The following CNIH3 variants were observed in gnomAD, a reference collection of about 807,000 sequenced individuals.
CNIH3 encodes the protein protein cornichon homolog 3.
CNIH3 carries 14 observed loss-of-function variants against 24.1 expected under a neutral mutation model. The observed-to-expected ratio is 0.58, with a 90% CI of 0.38 to 0.91. CNIH3 has a LOEUF of 0.91. Ranked by LOEUF, CNIH3 falls within the 40% of genes least tolerant of loss-of-function variation. The pLI is 0.00. For synonymous variants in CNIH3, 68 were observed against 73.8 expected (o/e 0.92, Z 0.40); for missense variants, 178 against 196.8 (o/e 0.90, Z 0.57).
In CNIH3 at chr1:224,450,638, T is replaced by C. The variant is rs183738986; in HGVS notation, n.203+15776T>C. ...GGGAGATAGAACCGAAGGGAGATCA[T>C]AGCTGGTTGTGGAGCCAAAGGTAAA... On this transcript the variant is annotated intron_variant and non_coding_transcript_variant, in intron 1 of 5. Coordinates refer to the CNIH3 transcript ENST00000471578. 3.6e-3 allele frequency among the ~76,000 whole-genome samples: 547 copies of C among 152,342 alleles called. 4 individuals carry two copies. The highest frequency in any genetic ancestry group is 0.012 in the African/African-American group (513 of 41,586).
intron 1 of CNIH3, among the ~76,000 whole-genome samples, chr1:224,665,667 A>C (rs1401951237): frequency 6.6e-6 from 1 of 152,226 alleles, no homozygotes; most frequent in Non-Finnish European, 1.5e-5. Context: ...TATATGTGGT[A>C]GGACTCACTT....
chr1:224,531,840 A>G (rs1171948445), intron 2 of CNIH3, among the ~76,000 whole-genome samples: 1 of 152,190 alleles, frequency 6.6e-6, no homozygotes, highest in East Asian at 1.9e-4. Flanking sequence ...TGGCACAAAT[A>G]AAACAAACGA....
chr1:224,696,542 A>G (rs547373917), intron 3 of CNIH3, among the ~76,000 whole-genome samples: 13 of 152,330 alleles, frequency 8.5e-5, no homozygotes, highest in African/African-American at 1.2e-4. Context: ...AAGGGCAGGA[A>G]TGTGAGGTGG....
intron 1 of CNIH3, among the ~76,000 whole-genome samples, chr1:224,646,695 C>T (rs1246833830): frequency 1.3e-5 from 2 of 152,092 alleles, no homozygotes; most frequent in African/African-American, 2.4e-5. Flanking sequence ...CATGAGCCAC[C>T]ATGTCCAGTC....
chr1:224,729,412 CA>C (rs1184318000), intron 3 of CNIH3, among the ~76,000 whole-genome samples: 792 of 44,614 alleles, frequency 0.018, 1 homozygote, highest in South Asian at 0.046. Flanking sequence ...ACTATGTCTC[CA>C]AAAAAAAAAA....
chr1:224,454,750 G>A (rs978335581), intron 1 of CNIH3, among the ~76,000 whole-genome samples: 6 of 152,164 alleles, frequency 3.9e-5, no homozygotes, highest in Admixed American at 6.5e-5. Context: ...TGAAGAGACC[G>A]GAGATTTTCA....
At chr1:224,699,491 G>A (rs568264060) in intron 3 of CNIH3, among the ~76,000 whole-genome samples, 6 of 152,190 alleles carry the variant, frequency 3.9e-5, no homozygotes, top group African/African-American at 7.2e-5. Flanking sequence ...TCAACGTGTC[G>A]GCAGGGTTGG....
chr1:224,500,381 A>G (rs1238540030), intron 1 of CNIH3, among the ~76,000 whole-genome samples: 1 of 152,088 alleles, frequency 6.6e-6, no homozygotes, highest in East Asian at 1.9e-4. Context: ...CTCTAAAGAA[A>G]GAATGACTTG....
downstream of CNIH3, chr1:224,537,153 C>G (rs1431286756): frequency 6.6e-6 from 1 of 152,194 alleles, no homozygotes; most frequent in South Asian, 2.1e-4. Context: ...TCACAATTTG[C>G]CCGCAAGGAA....
downstream of CNIH3, among the ~76,000 whole-genome samples, chr1:224,538,094 G>A (rs1204839353): frequency 1.3e-5 from 2 of 151,866 alleles, no homozygotes; most frequent in Admixed American, 6.6e-5. Context: ...GGCATTACAG[G>A]TGCCACCGTG....
intron 1 of CNIH3, among the ~76,000 whole-genome samples, chr1:224,451,678 G>A (rs1381691435): frequency 6.6e-6 from 1 of 152,132 alleles, no homozygotes; most frequent in Non-Finnish European, 1.5e-5. Context: ...GGCAACTGAG[G>A]CCCAGAATGA....
chr1:224,538,338 T>C (rs1572436569), downstream of CNIH3, among the ~76,000 whole-genome samples: 1 of 152,112 alleles, frequency 6.6e-6, no homozygotes, highest in African/African-American at 2.4e-5. Flanking sequence ...CATAAGAGTC[T>C]CAGGAATGTG....
At chr1:224,729,511 G>A (rs1689210328) in intron 3 of CNIH3, among the ~76,000 whole-genome samples, 1 of 149,794 alleles carries the variant, frequency 6.7e-6, no homozygotes. Flanking sequence ...ATTCATGAGA[G>A]CCTAAACAAT....
At chr1:224,534,553 C>T (rs575004796) in intron 2 of CNIH3, among the ~76,000 whole-genome samples, 1 of 152,164 alleles carries the variant, frequency 6.6e-6, no homozygotes, top group South Asian at 2.1e-4. Flanking sequence ...CTTGGAACAC[C>T]CAAGCAGCAA....
intron 3 of CNIH3, among the ~76,000 whole-genome samples, chr1:224,688,375 G>A (rs981351410): frequency 1.1e-4 from 17 of 152,140 alleles, no homozygotes; most frequent in Non-Finnish European, 2.2e-4. Flanking sequence ...GGGCATGCAG[G>A]TCTGTCTCCT....
chr1:224,516,518 A>G lies in CNIH3; in HGVS notation n.15+642A>G, dbSNP rs182949292. Among the ~76,000 whole-genome samples the G allele has an allele frequency of 2.1e-3, 323 of 152,210 alleles. 3 individuals are homozygous for G. The highest frequency in any genetic ancestry group is 7.4e-3 in the African/African-American group (308 of 41,532). ...CCTTGTGTTTTCAAAGCCTAGCTCA[A>G]TGCTAGAGATGAAAATTTCCTAGAT... On this transcript the variant is annotated intron_variant and non_coding_transcript_variant, in intron 1 of 2. Coordinates refer to the CNIH3 transcript ENST00000470602.
At chr1:224,478,146 G>A (rs1215482593) in intron 1 of CNIH3, among the ~76,000 whole-genome samples, 1 of 152,018 alleles carries the variant, frequency 6.6e-6, no homozygotes, top group African/African-American at 2.4e-5. Flanking sequence ...AGTCTTCTTT[G>A]GGTTAAATAT....
chr1:224,721,895 C>T (rs1688742948), intron 3 of CNIH3, among the ~76,000 whole-genome samples: 6 of 152,178 alleles, frequency 3.9e-5, no homozygotes, highest in Admixed American at 3.9e-4. Flanking sequence ...ATGCCAAAGC[C>T]AGCCCTCCAA....
chr1:224,668,053 AAGAT>A lies in CNIH3; in HGVS notation c.82-12901_82-12898del, dbSNP rs1274447738. Among the ~76,000 whole-genome samples, 45 of 152,354 alleles carry A rather than the reference AAGAT, an allele frequency of 3.0e-4. 1 individual carries two copies. The highest frequency in any genetic ancestry group is 6.5e-4 in the Admixed American group (10 of 15,312). ...ATTTTGTAAGAACACAAGGAACAGAAAGATAGACATGAAACATAAACCAATAATT... is the reference window on the plus strand; with the variant it reads ...ATTTTGTAAGAACACAAGGAACAGAAAGACATGAAACATAAACCAATAATT... On this transcript the variant is annotated intron_variant, in intron 1 of 5. Transcript: ENST00000272133.
Sources: allele counts gnomAD v4.1 joint callset (sites outside exome capture counted in the v4.1 genomes callset), GRCh38; gene constraint gnomAD v4.1.1; transcripts MANE v1.5; gene names NCBI Gene and HGNC (gene_info 2026-07-23, HGNC 2026-07-21).